SLC7A8: variants seen among roughly 807,000 people sequenced by gnomAD.
SLC7A8 encodes the protein solute carrier family 7 member 8.
Under a neutral mutation model 51.2 loss-of-function variants are expected in SLC7A8, and 30 were observed. That is an observed-to-expected ratio of 0.59 (90% CI 0.44 to 0.80). The LOEUF (loss-of-function observed/expected upper bound fraction) is 0.80. Among genes scored for constraint, SLC7A8 ranks in the 30% least tolerant of loss-of-function variants. The pLI, the probability that SLC7A8 is intolerant of heterozygous loss-of-function variation, is 0.00. For missense variants in SLC7A8, 612 were observed against 674.4 expected (o/e 0.91, Z 1.03); for synonymous variants, 257 against 275.8 (o/e 0.93, Z 0.67).
chr14:23,163,584 G>A (rs1332080556), intron 3 of SLC7A8, among the ~76,000 whole-genome samples: 1 of 152,132 alleles, frequency 6.6e-6, no homozygotes, highest in Admixed American at 6.5e-5. Flanking sequence ...AGGCTACTGA[G>A]GTGGGTGAGT....
rs1237819736 is a variant in SLC7A8, at chr14:23,140,550, C to G, written c.709G>C (p.Ala237Pro). ...QEPDIGLVAL[A>P]FLQGSFAYGG... is the part of the protein sequence containing the mutation. Reference sequence around the variant, plus strand: ...TAGGCAAAGGAGCCCTGAAGGAAAGCCAGTGCGACGAGGCCGATGTCAGGT... The same window carrying G: ...TAGGCAAAGGAGCCCTGAAGGAAAGGCAGTGCGACGAGGCCGATGTCAGGT... Residue 237 changes from alanine (A) to proline (P), a missense_variant, in exon 5 of 11, where the codon GCT becomes CCT. Physicochemically the swap from Ala to Pro is conservative, Grantham distance 27 (BLOSUM62 -1). Coordinates refer to ENST00000316902, the MANE Select transcript of SLC7A8 (RefSeq NM_012244.4). 5.6e-6 allele frequency: 9 copies of G among 1,614,144 alleles called. No individual in the cohort carries two copies. The highest frequency in any genetic ancestry group is 6.8e-6 in the Non-Finnish European group (8 of 1,179,990).
At chr14:23,129,575 A>G (rs866259977) in intron 9 of SLC7A8, 75 bp downstream of exon 9, 3 of 1,531,072 alleles carry the variant, frequency 2.0e-6, no homozygotes, top group East Asian at 2.3e-5. Flanking sequence ...CTAAGAACAG[A>G]GGTGATTTAA....
At chr14:23,132,755 C>T (rs1196005091) in intron 7 of SLC7A8, among the ~76,000 whole-genome samples, 7 of 151,946 alleles carry the variant, frequency 4.6e-5, no homozygotes, top group Non-Finnish European at 1.0e-4. Context: ...TCTGCCTCAG[C>T]CTCCCGAGTA....
chr14:23,177,335 C>A (rs1445457012), intron 1 of SLC7A8, among the ~76,000 whole-genome samples: 1 of 152,228 alleles, frequency 6.6e-6, no homozygotes, highest in Non-Finnish European at 1.5e-5. Flanking sequence ...AGCCAACTGT[C>A]CAACCCTTGT....
intron 3 of SLC7A8, among the ~76,000 whole-genome samples, chr14:23,163,673 A>C (rs1451992893): frequency 1.3e-5 from 2 of 152,170 alleles, no homozygotes; most frequent in African/African-American, 2.4e-5. Flanking sequence ...CAGGATGATC[A>C]CTGCCCTCAG....
intron 3 of SLC7A8, among the ~76,000 whole-genome samples, chr14:23,154,913 T>C (rs1013371331): frequency 1.3e-5 from 2 of 149,422 alleles, no homozygotes; most frequent in Admixed American, 6.8e-5. Flanking sequence ...TAACATAACT[T>C]GTCTGATAAA....
chr14:23,169,194 T>A (rs1411303824), intron 1 of SLC7A8, among the ~76,000 whole-genome samples: 1 of 151,844 alleles, frequency 6.6e-6, no homozygotes, highest in Non-Finnish European at 1.5e-5. Context: ...AACAAAAAAA[T>A]TTTTTGTTTT....
At chr14:23,155,715 C>G (rs2048887687) in intron 3 of SLC7A8, among the ~76,000 whole-genome samples, 3 of 151,998 alleles carry the variant, frequency 2.0e-5, no homozygotes, top group Admixed American at 2.0e-4. Context: ...GGGCTGATGT[C>G]CCCCGAGACA....
intron 4 of SLC7A8, among the ~76,000 whole-genome samples, chr14:23,141,184 C>G (rs960729986): frequency 6.6e-6 from 1 of 152,092 alleles, no homozygotes; most frequent in Non-Finnish European, 1.5e-5. Flanking sequence ...ATTTGAGAGG[C>G]TAAGGTGGGA....
At position 23,165,253 on chromosome 14, in the gene SLC7A8, T is replaced by C. The variant is rs746158410; in HGVS notation, c.508+32A>G. 6.3e-7 allele frequency: 1 copy of C among 1,577,592 alleles called. No homozygotes were observed. Among genetic ancestry groups the C allele is most frequent in the Non-Finnish European group, 8.6e-7 (1 of 1,164,228 alleles). On this transcript the variant is annotated intron_variant, in intron 3 of 10. Coordinates refer to ENST00000316902, the MANE Select transcript of SLC7A8 (RefSeq NM_012244.4). This position sits in a 1 kb window ranked among gnomAD's most constrained non-coding sequence, Gnocchi z 4.2. ...TAATAATAAATATAATAAAAGAGGC[T>C]GTCTTGCTACCAAGACCCAGATGAC...
At chr14:23,171,555 C>G (rs562163843) in intron 1 of SLC7A8, among the ~76,000 whole-genome samples, 3 of 152,292 alleles carry the variant, frequency 2.0e-5, no homozygotes, top group African/African-American at 7.2e-5. Flanking sequence ...CCCAACAGAC[C>G]CTCAGATCCA....
intron 7 of SLC7A8, among the ~76,000 whole-genome samples, chr14:23,136,254 C>A (rs1245249196): frequency 1.3e-5 from 2 of 152,184 alleles, no homozygotes; most frequent in Admixed American, 6.5e-5. Context: ...CCATACACAT[C>A]CCTGTCCCCT....
intron 1 of SLC7A8, among the ~76,000 whole-genome samples, chr14:23,174,370 G>T (rs962876914): frequency 6.6e-6 from 1 of 152,254 alleles, no homozygotes; most frequent in Non-Finnish European, 1.5e-5. Context: ...TTTGCAATGT[G>T]CAGTTCAGTG....
chr14:23,183,244 A>G lies in SLC7A8; in HGVS notation c.-330T>C, dbSNP rs1053218748. 2.5e-5 allele frequency: 7 copies of G among 282,042 alleles called. No homozygotes were observed. Among genetic ancestry groups the G allele is most frequent in the Non-Finnish European group, 4.0e-5 (6 of 148,730 alleles). The allele number at this position is 282,042 out of a possible 1,614,324, so 17.5% of individuals were successfully genotyped here. On this transcript the variant is annotated 5_prime_UTR_variant, in exon 1 of 11. Transcript: ENST00000316902. The stretch of plus-strand genomic sequence containing the variant: ...ATTCTGCTGAAAGGGATGTGTCTTC[A>G]GAAACCAGGATGGTTCTGCTCTGTG...
At chr14:23,175,941 G>A (rs1328138850) in intron 1 of SLC7A8, among the ~76,000 whole-genome samples, 1 of 152,184 alleles carries the variant, frequency 6.6e-6, no homozygotes, top group African/African-American at 2.4e-5. Flanking sequence ...AGATGTGTTT[G>A]TTTTGAAATA....
chr14:23,164,849 G>A (rs563136270), intron 3 of SLC7A8, among the ~76,000 whole-genome samples: 13 of 152,126 alleles, frequency 8.5e-5, no homozygotes, highest in Admixed American at 2.6e-4. Flanking sequence ...AAAATTAGCC[G>A]GGCATGGTGG....
intron 3 of SLC7A8, among the ~76,000 whole-genome samples, chr14:23,149,669 A>G (rs554287281): frequency 6.9e-4 from 105 of 152,284 alleles, no homozygotes; most frequent in African/African-American, 2.5e-3. Flanking sequence ...AACACCAAAA[A>G]CACCTTGGAA....
At chr14:23,140,078 C>T (rs553357828) in intron 5 of SLC7A8, among the ~76,000 whole-genome samples, 9 of 152,200 alleles carry the variant, frequency 5.9e-5, no homozygotes, top group Middle Eastern at 3.4e-3. Context: ...GTTGGAAATA[C>T]GCTCCACACC....
chr14:23,154,331 G>T, intron 3 of SLC7A8: 1 of 1,000,186 alleles, frequency 1.0e-6, no homozygotes. Context: ...CTCCCCTCCA[G>T]CTGGAGCAAA....
Sources: allele counts gnomAD v4.1 joint callset (sites outside exome capture counted in the v4.1 genomes callset), GRCh38; gene constraint gnomAD v4.1.1; non-coding constraint Gnocchi (gnomAD v3.1); transcripts MANE v1.5; gene names NCBI Gene and HGNC (gene_info 2026-07-23, HGNC 2026-07-21).